Variants in DNAH7 observed in about 807,000 individuals in gnomAD.
The protein encoded by DNAH7 is axonemal beta dynein heavy chain 7.
A neutral mutation model predicts 444.6 loss-of-function variants in DNAH7; 397 were observed. The ratio of observed to expected loss-of-function variants is 0.89; its 90% CI spans 0.82 to 0.97. The LOEUF is 0.97. DNAH7 is among the 50% of genes least tolerant of loss of function. The probability of loss-of-function intolerance (pLI) is 0.00; values close to 1 mark genes in which losing one functional copy is unlikely to be tolerated. For synonymous variants in DNAH7, 1,636 were observed against 1,624.4 expected, an observed-to-expected ratio of 1.01 and a Z score of -0.17; for missense variants, 4,902 against 4,800.8, an observed-to-expected ratio of 1.02 and a Z score of -0.62.
intron 54 of DNAH7, among the ~76,000 whole-genome samples, chr2:195,801,358 C>G (rs986461877): frequency 3.3e-5 from 5 of 151,860 alleles, no homozygotes; most frequent in African/African-American, 1.2e-4. Flanking sequence ...GTCACAAATT[C>G]TTGCAAATGA....
intron 63 of DNAH7, among the ~76,000 whole-genome samples, chr2:195,745,873 C>T (rs531065158): frequency 7.9e-5 from 12 of 152,254 alleles, no homozygotes; most frequent in East Asian, 5.8e-4. Context: ...AAAGAACAAC[C>T]GGTACCAGCC....
intron 60 of DNAH7, among the ~76,000 whole-genome samples, chr2:195,774,740 C>A (rs1694988578): frequency 6.6e-6 from 1 of 152,200 alleles, no homozygotes; most frequent in Admixed American, 6.5e-5. Flanking sequence ...ATTAGCATTG[C>A]ATTGTTATAC....
chr2:195,885,084 C>T (rs1701633072), intron 34 of DNAH7, among the ~76,000 whole-genome samples: 1 of 152,072 alleles, frequency 6.6e-6, no homozygotes, highest in Non-Finnish European at 1.5e-5. Flanking sequence ...CTCACATTTT[C>T]AACACATGAC....
At position 195,799,460 on chromosome 2, in the gene DNAH7, A is replaced by G. The variant is rs1344820947; in HGVS notation, c.10189T>C (p.Leu3397=). ...AATCTGTTGATTATAAATTCCTGCA[A>G]CATTGGAATAACCTAGAAAGAGACA... ...CLRPDKVIPM[L]QEFIINRLGR... The change falls in exon 55 of 65, where the codon TTG becomes CTG. Residue 3397 remains leucine, a synonymous_variant. Transcript: ENST00000312428. 5 of 1,599,146 alleles carry G rather than the reference A, an allele frequency of 3.1e-6. No homozygotes were observed. The highest frequency in any genetic ancestry group is 1.7e-5 in the Admixed American group (1 of 57,590).
At chr2:195,867,209 C>G (rs1341992321) in intron 40 of DNAH7, among the ~76,000 whole-genome samples, 3 of 152,146 alleles carry the variant, frequency 2.0e-5, no homozygotes, top group African/African-American at 7.2e-5. Flanking sequence ...TATAAAATTT[C>G]CAGCACCTTA....
chr2:195,773,877 TTCC>T (rs1391801866), intron 60 of DNAH7, among the ~76,000 whole-genome samples: 1 of 152,222 alleles, frequency 6.6e-6, no homozygotes, highest in Non-Finnish European at 1.5e-5. Context: ...CTCTGATAGC[TTCC>T]TCTTTTATTT....
chr2:195,920,596 G>C (rs185184342), intron 24 of DNAH7, among the ~76,000 whole-genome samples: 1 of 152,258 alleles, frequency 6.6e-6, no homozygotes, highest in Non-Finnish European at 1.5e-5. Context: ...TTAAATCTAA[G>C]ACCTGAAACC....
In DNAH7 at chr2:195,957,397, A is replaced by C; in HGVS notation, c.2942T>G (p.Leu981Arg). 6.3e-7 allele frequency: 1 copy of C among 1,598,762 alleles called. No individual in the cohort carries two copies. Among genetic ancestry groups the C allele is most frequent in the East Asian group, 2.3e-5 (1 of 44,426 alleles). Reference protein sequence around the residue: ...LLLQEILDEWLKVQATWLYLE... With the variant: ...LLLQEILDEWRKVQATWLYLE... Reference sequence around the variant, plus strand: ...ATACAGCCACGTGGCTTGGACTTTGAGCCATTCATCCAGAATCTCCTGAAG... The same window carrying C: ...ATACAGCCACGTGGCTTGGACTTTGCGCCATTCATCCAGAATCTCCTGAAG... Residue 981 changes from leucine (L) to arginine (R), a missense_variant, in exon 19 of 65, where the codon CTC becomes CGC. Transcript: ENST00000312428.
Position 195,910,039 on chromosome 2 carries a change from TC to T in DNAH7, c.4091del (p.Gly1364GlufsTer48). On this transcript the variant is annotated frameshift_variant, in exon 25 of 65. Transcript: ENST00000312428. LOFTEE classifies it high-confidence loss of function. ...AGTTAATTCAAACCTTAAAGAATTT[TC>T]CCAAAGCCAAATAATCCAACCCATC... Reference protein sequence around the residue: ...CSDGLDYLALGKFFKGLLSCG... With the variant: ...CSDGLDYLALXKFFKGLLSCG... 1 of 1,612,082 alleles carries T rather than the reference TC, an allele frequency of 6.2e-7. No homozygotes were observed. The highest frequency in any genetic ancestry group is 1.3e-5 in the African/African-American group (1 of 74,968).
At chr2:195,939,136 AAC>A (rs1048824946) in intron 19 of DNAH7, among the ~76,000 whole-genome samples, 5 of 152,116 alleles carry the variant, frequency 3.3e-5, no homozygotes, top group African/African-American at 9.7e-5. Flanking sequence ...TGGTGTCTAA[AAC>A]ACACAGACAC....
intron 51 of DNAH7, among the ~76,000 whole-genome samples, chr2:195,813,059 A>G (rs1019158751): frequency 6.6e-6 from 1 of 152,214 alleles, no homozygotes; most frequent in Non-Finnish European, 1.5e-5. Flanking sequence ...GTGGTCATCA[A>G]TTTCATTCCT....
chr2:195,825,171 T>C (rs954520636), intron 48 of DNAH7: 4 of 152,152 alleles, frequency 2.6e-5, no homozygotes, highest in Non-Finnish European at 5.9e-5. Context: ...GCTGGGAGGA[T>C]TGTATGAGCC....
At chr2:195,925,299 G>A (rs1156395167) in intron 22 of DNAH7, among the ~76,000 whole-genome samples, 1 of 152,164 alleles carries the variant, frequency 6.6e-6, no homozygotes, top group African/African-American at 2.4e-5. Context: ...GAGATCCCAG[G>A]AGGCTGCACG....
chr2:195,904,460 G>A (rs186389295), intron 27 of DNAH7: 2 of 152,328 alleles, frequency 1.3e-5, no homozygotes, highest in East Asian at 3.9e-4. Flanking sequence ...TGGCAGGACA[G>A]ATGCAACTGA....
At chr2:195,862,394 T>A (rs1682620813) in intron 41 of DNAH7, among the ~76,000 whole-genome samples, 1 of 152,194 alleles carries the variant, frequency 6.6e-6, no homozygotes. Flanking sequence ...TCCACTATCA[T>A]CTGCCTGGAA....
At chr2:196,005,396 A>G (rs1444402771) in intron 10 of DNAH7, among the ~76,000 whole-genome samples, 1 of 151,958 alleles carries the variant, frequency 6.6e-6, no homozygotes, top group Non-Finnish European at 1.5e-5. Flanking sequence ...ATTGAATAGA[A>G]AAATAAAGAA....
At chr2:195,773,174 T>C (rs1244215231) in intron 60 of DNAH7, among the ~76,000 whole-genome samples, 2 of 152,212 alleles carry the variant, frequency 1.3e-5, no homozygotes, top group Admixed American at 6.5e-5. Context: ...ATTTTAATTA[T>C]GGGCTATTAA....
chr2:196,022,129 GA>G (rs561769039), intron 8 of DNAH7, among the ~76,000 whole-genome samples: 2 of 150,254 alleles, frequency 1.3e-5, no homozygotes, highest in South Asian at 2.1e-4. Flanking sequence ...CCTGTCTCGG[GA>G]AAAAAAAATG....
chr2:196,063,701 T>TC (rs1698259153), intron 1 of DNAH7: 1 of 152,412 alleles, frequency 6.6e-6, no homozygotes, highest in African/African-American at 2.4e-5. Flanking sequence ...CCCGACTCTC[T>TC]CCTTCAGGTC....
Sources: gnomAD v4.1 joint callset for allele counts (sites outside exome capture counted in the v4.1 genomes callset) on GRCh38, gnomAD v4.1.1 for gene constraint, MANE v1.5 for transcripts, NCBI Gene and HGNC (gene_info 2026-07-23, HGNC 2026-07-21) for gene names.